Variants in AP4M1 observed in about 807,000 individuals in gnomAD.
AP4M1 encodes the protein adaptor related protein complex 4 subunit mu 1.
AP4M1 carries 58 observed loss-of-function variants against 62.4 expected under a neutral mutation model. That is an observed-to-expected ratio of 0.93 (90% confidence interval 0.75 to 1.16). The LOEUF is 1.16. Ranked by LOEUF, AP4M1 falls within the 50% of genes most tolerant of loss-of-function variation. The pLI is 0.00. For synonymous variants in AP4M1, 290 were observed against 239.7 expected (o/e 1.21, Z -1.94); for missense variants, 626 against 585.4 (o/e 1.07, Z -0.72).
In AP4M1 at chr7:100,103,412, T is replaced by C. The variant is rs1796219918; in HGVS notation, c.355T>C (p.Tyr119His). The C allele has an allele frequency of 2.5e-6, 4 of 1,613,602 alleles. No homozygotes were observed. The highest frequency in any genetic ancestry group is 2.7e-5 in the African/African-American group (2 of 74,902). The change falls in exon 5 of 15, where the codon TAT becomes CAT. Residue 119 changes from tyrosine (Y) to histidine (H), a missense_variant. Physicochemically the swap from Tyr to His is moderately conservative, Grantham distance 83. Coordinates refer to ENST00000359593, the MANE Select transcript of AP4M1 (RefSeq NM_004722.4). Reference sequence around the variant, plus strand: ...ACTGTCCTTCCTTTACCACTAGGACTATGGCTATGTACAGACCACATCCAC... The same window carrying C: ...ACTGTCCTTCCTTTACCACTAGGACCATGGCTATGTACAGACCACATCCAC... ...VYELLDEVLD[Y>H]GYVQTTSTEM...
Position 100,108,275 on chromosome 7 carries a change from CTG to C in AP4M1, c.*1394_*1395del, listed in dbSNP as rs1796773511. ...GGCCTGGTTGCCCTGAGACTACTGA[CTG>C]AGGGCACATGTGGCTGTGTGCAAGT... On this transcript the variant is annotated 3_prime_UTR_variant, in exon 15 of 15. Transcript: ENST00000359593. The C allele has an allele frequency of 6.0e-6, 9 of 1,491,424 alleles. No individual in the cohort carries two copies. 92.4% of individuals were successfully genotyped at this position (1,491,424 alleles called of 1,614,324 possible).
upstream of AP4M1, chr7:100,101,002 G>C (rs1795986294): frequency 4.7e-6 from 4 of 844,624 alleles, no homozygotes; most frequent in Admixed American, 3.2e-5. Context: ...CCCCAGCCGG[G>C]TTAGCGCGCC....
Position 100,106,660 on chromosome 7 carries a change from G to A in AP4M1, c.1140G>A (p.Met380Ile), listed in dbSNP as rs574878636. The A allele has an allele frequency of 2.9e-4, 461 of 1,565,200 alleles. 2 individuals carry two copies. In the South Asian group the frequency reaches 4.0e-3, roughly 13 times the overall value. ...GGSQLSGLFQ[M>I]DVPGPPGPPS... ...CTCCCTGCCTCTGCCCCTCACAGAT[G>A]GACGTCCCAGGGCCCCCAGGACCTC... Residue 380 changes from methionine to isoleucine, a missense_variant and splice_region_variant, in exon 15 of 15, where the codon ATG (methionine) becomes ATA (isoleucine). Physicochemically the swap from Met to Ile is conservative, Grantham distance 10 (BLOSUM62 1). Coordinates refer to ENST00000359593, the MANE Select transcript of AP4M1 (RefSeq NM_004722.4).
At position 100,107,729 on chromosome 7, in the gene AP4M1, A is replaced by C; in HGVS notation, c.*847A>C. 1 of 1,497,138 alleles carries C rather than the reference A, an allele frequency of 6.7e-7. No homozygotes were observed. Among genetic ancestry groups the C allele is most frequent in the Non-Finnish European group, 8.9e-7 (1 of 1,119,230 alleles). The allele number at this position is 1,497,138 out of a possible 1,614,324, so 92.7% of individuals were successfully genotyped here. A position where few individuals can be genotyped will look rare whatever the true frequency, so the allele number is the denominator to read the frequency against. The stretch of plus-strand genomic sequence containing the variant: ...CCCTGCCTGAACAAGTTGTTCCTGT[A>C]GTTCACCCTGTAGACAGCTATGGCT... On this transcript the variant is annotated 3_prime_UTR_variant, in exon 15 of 15. Coordinates refer to ENST00000359593, the MANE Select transcript of AP4M1 (RefSeq NM_004722.4).
Position 100,106,842 on chromosome 7 carries a change from G to A in AP4M1, c.1322G>A (p.Arg441Gln), listed in dbSNP as rs747467603. Residue 441 changes from arginine (R) to glutamine (Q), a missense_variant, in exon 15 of 15, where the codon CGA becomes CAA. Physicochemically the swap from Arg to Gln is conservative, Grantham distance 43. Transcript: ENST00000359593. ...CGNANPHKWV[R>Q]HLSHSDAYVI... ...AATGCCAACCCCCACAAGTGGGTGC[G>A]ACACCTAAGCCACAGCGACGCCTAT... is the stretch of plus-strand genomic sequence containing the variant. 25 of 1,613,878 alleles carry A rather than the reference G, an allele frequency of 1.5e-5. No homozygotes were observed. The highest frequency in any genetic ancestry group is 2.2e-5 in the East Asian group (1 of 44,882).
chr7:100,106,817 A>T lies in AP4M1; in HGVS notation c.1297A>T (p.Asn433Tyr). 2 of 1,613,998 alleles carry T rather than the reference A, an allele frequency of 1.2e-6. No homozygotes were observed. The highest frequency in any genetic ancestry group is 3.3e-4 in the Middle Eastern group (2 of 6,062). The change falls in exon 15 of 15, where the codon AAT becomes TAT. Residue 433 changes from asparagine to tyrosine, a missense_variant. Asn to Tyr is a moderately radical substitution (Grantham distance 143). Coordinates refer to ENST00000359593, the MANE Select transcript of AP4M1 (RefSeq NM_004722.4). The stretch of plus-strand genomic sequence containing the variant: ...CAGGCTGGCCTTCAGGCCATGCGGC[A>T]ATGCCAACCCCCACAAGTGGGTGCG... ...FLRLAFRPCG[N>Y]ANPHKWVRHL...
At chr7:100,101,374 G>C (rs1796019874), upstream of AP4M1, 1 of 1,588,328 alleles carries the variant, frequency 6.3e-7, no homozygotes, top group Non-Finnish European at 8.6e-7. Context: ...CCGCGCGGTG[G>C]ACTGTGGCCG....
chr7:100,108,604 G>A lies in AP4M1; in HGVS notation c.*1722G>A, dbSNP rs2066432516. Reference sequence around the variant, plus strand: ...GGGAAAAAAGCCAGGTAGAGGGAGGGCTGGTGACACTCTTGAGAAGAACCT... The same window carrying A: ...GGGAAAAAAGCCAGGTAGAGGGAGGACTGGTGACACTCTTGAGAAGAACCT... On this transcript the variant is annotated 3_prime_UTR_variant, in exon 15 of 15. Transcript: ENST00000359593. 2 of 1,501,988 alleles carry A rather than the reference G, an allele frequency of 1.3e-6. No individual in the cohort carries two copies. Among genetic ancestry groups the A allele is most frequent in the African/African-American group, 1.4e-5 (1 of 72,182 alleles). The allele number at this position is 1,501,988 out of a possible 1,614,324, so 93.0% of individuals were successfully genotyped here. A position where few individuals can be genotyped will look rare whatever the true frequency, so the allele number is the denominator to read the frequency against.
chr7:100,101,934 C>T lies in AP4M1; in HGVS notation c.113C>T (p.Thr38Met), dbSNP rs144016415. 2.5e-6 allele frequency: 4 copies of T among 1,613,028 alleles called. No homozygotes were observed. Among genetic ancestry groups the T allele is most frequent in the Admixed American group, 1.7e-5 (1 of 60,004 alleles). The change falls in exon 2 of 15, where the codon ACG becomes ATG. Residue 38 changes from threonine (T) to methionine (M), a missense_variant. By Grantham distance (81) the Thr-to-Met change is moderately conservative (BLOSUM62 -1). Transcript: ENST00000359593. ...DVAELFYRKL[T>M]GLPGDESPVV... ...GCCGAGCTCTTCTACCGGAAGCTGACGGGACTGCCAGGAGACGAGTCCCCG... is the reference window on the plus strand; with the variant it reads ...GCCGAGCTCTTCTACCGGAAGCTGATGGGACTGCCAGGAGACGAGTCCCCG...
At chr7:100,106,379 GCAC>G in intron 13 of AP4M1, 21 bp from the exon 14 acceptor site, 1 of 1,613,164 alleles carries the variant, frequency 6.2e-7, no homozygotes. Context: ...GCCAAGCCCA[GCAC>G]CTTCCCTTTC....
upstream of AP4M1, chr7:100,101,249 C>T (rs187528488): frequency 6.2e-7 from 1 of 1,613,080 alleles, no homozygotes; most frequent in African/African-American, 1.3e-5. Context: ...CCCTCCCGGG[C>T]TCGTAGACCC....
At chr7:100,106,345 A>G in intron 13 of AP4M1, 54 bp downstream of exon 13, 5 of 1,612,978 alleles carry the variant, frequency 3.1e-6, no homozygotes, top group African/African-American at 1.3e-5. Context: ...TGAGCTCAGC[A>G]TGACGGGTCT....
At position 100,107,590 on chromosome 7, in the gene AP4M1, C is replaced by T; in HGVS notation, c.*708C>T. 2 of 1,613,650 alleles carry T rather than the reference C, an allele frequency of 1.2e-6. No individual in the cohort carries two copies. The highest frequency in any genetic ancestry group is 8.5e-7 in the Non-Finnish European group (1 of 1,179,896). ...GTGACGGGCGAAGTGGTGGTGGAAC[C>T]TGAGCCGGGGGCCGAGGTGCTGAGG... On this transcript the variant is annotated 3_prime_UTR_variant, in exon 15 of 15. Transcript: ENST00000359593.
At chr7:100,101,499 G>T, upstream of AP4M1, 1 of 793,758 alleles carries the variant, frequency 1.3e-6, no homozygotes, top group Non-Finnish European at 2.1e-6. Context: ...CAATCACCGT[G>T]CGGGCCTAGA....
intron 14 of AP4M1, 60 bp from the exon 15 acceptor site, chr7:100,106,598 G>T (rs1796515703): frequency 2.5e-6 from 4 of 1,575,746 alleles, no homozygotes; most frequent in East Asian, 2.2e-5. Flanking sequence ...CTGCTGCCTG[G>T]TTCCCCCAGC....
chr7:100,103,343 GC>G, intron 4 of AP4M1, 65 bp from the exon 5 acceptor site: 1 of 1,370,112 alleles, frequency 7.3e-7, no homozygotes. Flanking sequence ...ACCATGCCTG[GC>G]CCCACTCCCC....
Position 100,108,670 on chromosome 7 carries a change from G to A in AP4M1, c.*1788G>A. On this transcript the variant is annotated 3_prime_UTR_variant, in exon 15 of 15. Transcript: ENST00000359593. ...AAAGGACATTCCTTATCATCTCAGT[G>A]CCCCTGTTGAAGGCCAAATTATGCT... 1 of 1,063,088 alleles carries A rather than the reference G, an allele frequency of 9.4e-7. No homozygotes were observed. The highest frequency in any genetic ancestry group is 1.6e-5 in the South Asian group (1 of 62,342). The allele number at this position is 1,063,088 out of a possible 1,614,324, so 65.9% of individuals were successfully genotyped here.
At position 100,104,534 on chromosome 7, in the gene AP4M1, T is replaced by A. The variant is rs1188271503; in HGVS notation, c.607-340T>A. ...GCAAGACCCTGTCTCTTAAAAAAAATAAATAAGTAAAAAAGGCTGGGCACA... is the reference window on the plus strand; with the variant it reads ...GCAAGACCCTGTCTCTTAAAAAAAAAAAATAAGTAAAAAAGGCTGGGCACA... On this transcript the variant is annotated intron_variant, in intron 7 of 14. Coordinates refer to ENST00000359593, the MANE Select transcript of AP4M1 (RefSeq NM_004722.4). Among the ~76,000 whole-genome samples, 5 of 145,030 alleles carry A rather than the reference T, an allele frequency of 3.4e-5. No individual in the cohort carries two copies. In the East Asian group the frequency reaches 1.0e-3, roughly 30 times the overall value.
Position 100,107,873 on chromosome 7 carries a change from C to T in AP4M1, c.*991C>T, listed in dbSNP as rs1796710476. On this transcript the variant is annotated 3_prime_UTR_variant, in exon 15 of 15. Coordinates refer to ENST00000359593, the MANE Select transcript of AP4M1 (RefSeq NM_004722.4). ...TCTACTCCTGGGCCTCCCCAGGGTG[C>T]TCTGAGGTAACCCAGGCCCTCCAGA... is the stretch of plus-strand genomic sequence containing the variant. 1.9e-6 allele frequency: 3 copies of T among 1,557,748 alleles called. No homozygotes were observed. The highest frequency in any genetic ancestry group is 2.7e-5 in the African/African-American group (2 of 73,932).
Sources: gnomAD v4.1 joint callset for allele counts (sites outside exome capture counted in the v4.1 genomes callset) on GRCh38, gnomAD v4.1.1 for gene constraint, MANE v1.5 for transcripts, NCBI Gene and HGNC (gene_info 2026-07-23, HGNC 2026-07-21) for gene names.